ESR2: variants seen among roughly 807,000 people sequenced by gnomAD.
The protein encoded by ESR2 is estrogen receptor beta.
In ESR2, 36 loss-of-function variants were observed where a neutral mutation model predicts 49.6. The ratio of observed to expected loss-of-function variants is 0.73; its 90% confidence interval spans 0.56 to 0.96. The LOEUF (loss-of-function observed/expected upper bound fraction) is 0.96, where lower values mean the gene tolerates loss of function less well. Among genes scored for constraint, ESR2 ranks in the 40% least tolerant of loss-of-function variants. The pLI is 0.00. For synonymous variants in ESR2, 320 were observed against 266.1 expected, an observed-to-expected ratio of 1.20 and a Z score of -1.97; for missense variants, 714 against 693.0, an observed-to-expected ratio of 1.03 and a Z score of -0.34.
intron 1 of ESR2, among the ~76,000 whole-genome samples, chr14:64,287,182 T>G (rs981255937): frequency 1.3e-5 from 2 of 152,134 alleles, no homozygotes; most frequent in Non-Finnish European, 2.9e-5. Context: ...ACTAAAACTC[T>G]CTGTTAAACA....
In ESR2 at chr14:64,249,633, G is replaced by T. The variant is rs888179672; in HGVS notation, c.1138C>A (p.Leu380Ile). The change falls in exon 7 of 9, where the codon CTC becomes ATC. Residue 380 changes from leucine (L) to isoleucine (I), a missense_variant. Coordinates refer to ENST00000341099, the MANE Select transcript of ESR2 (RefSeq NM_001437.3). Reference protein sequence around the residue: ...VEGILEIFDMLLATTSRFREL... With the variant: ...VEGILEIFDMILATTSRFREL... The stretch of plus-strand genomic sequence containing the variant: ...CGAAACCTTGAAGTAGTTGCCAGGA[G>T]CATGTCAAAGATTTCCAGAATTCCT... 6.2e-7 allele frequency: 1 copy of T among 1,613,786 alleles called. No homozygotes were observed.
At chr14:64,291,396 T>A (rs2076867915) in intron 1 of ESR2, among the ~76,000 whole-genome samples, 1 of 152,226 alleles carries the variant, frequency 6.6e-6, no homozygotes, top group Non-Finnish European at 1.5e-5. Context: ...GAAGGCCAAC[T>A]ATCCAGTTTG....
chr14:64,243,733 G>T (rs2075790552), intron 7 of ESR2, among the ~76,000 whole-genome samples: 1 of 152,210 alleles, frequency 6.6e-6, no homozygotes, highest in African/African-American at 2.4e-5. Context: ...CCACTGGCTG[G>T]TGAGAATGTG....
At position 64,228,854 on chromosome 14, in the gene ESR2, G is replaced by T. The variant is rs780047141; in HGVS notation, c.*4283C>A. Among the ~76,000 whole-genome samples the T allele has an allele frequency of 5.9e-5, 9 of 152,148 alleles. No homozygotes were observed. The highest frequency in any genetic ancestry group is 2.0e-4 in the Admixed American group (3 of 15,274). ...TCCAAAGCAACAAAAATGGCACTAC[G>T]ATCATACATCACAGACAATGCACAT... On this transcript the variant is annotated 3_prime_UTR_variant, in exon 9 of 9. Transcript: ENST00000341099.
chr14:64,242,420 A>C, intron 7 of ESR2, among the ~76,000 whole-genome samples: 1 of 125,538 alleles, frequency 8.0e-6, no homozygotes, highest in African/African-American at 3.9e-5. Context: ...AAAAAAAACA[A>C]AAAAAACAAA....
chr14:64,287,318 C>A (rs572679800), intron 1 of ESR2, among the ~76,000 whole-genome samples: 1 of 152,246 alleles, frequency 6.6e-6, no homozygotes, highest in South Asian at 2.1e-4. Context: ...CAACAAATGA[C>A]AAATGCCAGG....
Position 64,257,234 on chromosome 14 carries a change from A to G in ESR2, c.1083T>C (p.Val361=). 6 of 1,614,168 alleles carry G rather than the reference A, an allele frequency of 3.7e-6. No homozygotes were observed. The highest frequency in any genetic ancestry group is 5.1e-6 in the Non-Finnish European group (6 of 1,180,004). ...AATGTATTTTTTCTCACCTGTCCAGAACAAGATCTGGAGCAAAGATGAGCT... is the reference window on the plus strand; with the variant it reads ...AATGTATTTTTTCTCACCTGTCCAGGACAAGATCTGGAGCAAAGATGAGCT... ...PGKLIFAPDL[V]LDRDEGKCVE... Residue 361 remains valine (V), a synonymous_variant, in exon 6 of 9, where the codon GTT becomes GTC. Transcript: ENST00000341099.
At chr14:64,305,556 A>G (rs1386336832) in intron 1 of ESR2, among the ~76,000 whole-genome samples, 3 of 151,894 alleles carry the variant, frequency 2.0e-5, no homozygotes, top group Middle Eastern at 3.4e-3. Flanking sequence ...CTGTAGTCTC[A>G]GCTACTTGGG....
At chr14:64,308,685 G>GT (rs751150659) in intron 1 of ESR2, among the ~76,000 whole-genome samples, 3 of 151,694 alleles carry the variant, frequency 2.0e-5, no homozygotes, top group South Asian at 2.1e-4. Flanking sequence ...CACATTGGCT[G>GT]TTTTTTTTAT....
At chr14:64,328,610 A>G (rs2077418076) in intron 1 of ESR2, among the ~76,000 whole-genome samples, 1 of 152,192 alleles carries the variant, frequency 6.6e-6, no homozygotes, top group African/African-American at 2.4e-5. Flanking sequence ...CTATAAGGGA[A>G]TACTTGAGGC....
chr14:64,241,145 C>CAAAAAAAAAAAAAAAAA (rs56347632), intron 7 of ESR2, among the ~76,000 whole-genome samples: 7 of 95,402 alleles, frequency 7.3e-5, no homozygotes, highest in East Asian at 9.8e-4. Flanking sequence ...GACTCCGTCT[C>CAAAAAAAAAAAAAAAAA]AAAAAAAAAA....
intron 7 of ESR2, among the ~76,000 whole-genome samples, chr14:64,240,240 C>A (rs1031472818): frequency 5.9e-5 from 9 of 152,216 alleles, no homozygotes; most frequent in Non-Finnish European, 1.3e-4. Flanking sequence ...AACAGGAGAC[C>A]AAACTATGCA....
chr14:64,285,464 C>T (rs2076768524), intron 1 of ESR2, among the ~76,000 whole-genome samples: 2 of 152,138 alleles, frequency 1.3e-5, no homozygotes, highest in East Asian at 1.9e-4. Flanking sequence ...CATAGCACCC[C>T]TTTAATCACT....
intron 4 of ESR2, among the ~76,000 whole-genome samples, chr14:64,263,322 G>A (rs1000859102): frequency 2.2e-4 from 33 of 152,124 alleles, no homozygotes; most frequent in African/African-American, 8.0e-4. Context: ...CTCATCGCTA[G>A]AATATTTTAA....
At chr14:64,315,379 A>G (rs936045843) in intron 1 of ESR2, among the ~76,000 whole-genome samples, 2 of 152,170 alleles carry the variant, frequency 1.3e-5, no homozygotes, top group South Asian at 4.1e-4. Flanking sequence ...CTCTACACAC[A>G]TAAACTGGAC....
intron 7 of ESR2, among the ~76,000 whole-genome samples, chr14:64,239,963 A>T (rs2140638931): frequency 6.6e-6 from 1 of 152,368 alleles, no homozygotes; most frequent in South Asian, 2.1e-4. Context: ...CTAGACCAAA[A>T]GCATTATATC....
intron 7 of ESR2, among the ~76,000 whole-genome samples, chr14:64,235,747 CTG>C (rs2075583081): frequency 3.9e-5 from 6 of 152,158 alleles, no homozygotes; most frequent in Admixed American, 3.3e-4. Context: ...CTGGAGCTCT[CTG>C]AGCCTCAGTT....
chr14:64,271,043 A>G (rs532924863), intron 3 of ESR2, among the ~76,000 whole-genome samples: 15 of 152,232 alleles, frequency 9.9e-5, no homozygotes, highest in African/African-American at 2.6e-4. Context: ...TATACTTCAT[A>G]TATTTGATTT....
chr14:64,290,635 T>C (rs1018587598), intron 1 of ESR2, among the ~76,000 whole-genome samples: 1 of 152,006 alleles, frequency 6.6e-6, no homozygotes, highest in Admixed American at 6.6e-5. Context: ...ACTCCTGCCC[T>C]CAAGTGATCC....
Sources: allele counts gnomAD v4.1 joint callset (sites outside exome capture counted in the v4.1 genomes callset), GRCh38; gene constraint gnomAD v4.1.1; transcripts MANE v1.5; gene names NCBI Gene and HGNC (gene_info 2026-07-23, HGNC 2026-07-21).